ADAM23: variants seen among roughly 807,000 people sequenced by gnomAD.
ADAM23 encodes disintegrin and metalloproteinase domain-containing protein 23.
ADAM23 carries 33 observed loss-of-function variants against 120.1 expected under a neutral mutation model. The ratio of observed to expected loss-of-function variants is 0.27; its 90% CI spans 0.21 to 0.37. ADAM23 has a LOEUF of 0.37. Among genes scored for constraint, ADAM23 ranks in the 10% least tolerant of loss-of-function variants. ADAM23 has a pLI of 1.00. For missense variants in ADAM23, 862 were observed against 1,058.2 expected (o/e 0.81, Z 2.57); for synonymous variants, 367 against 375.2 (o/e 0.98, Z 0.25).
intron 3 of ADAM23, among the ~76,000 whole-genome samples, chr2:206,498,996 A>G (rs1324568961): frequency 6.6e-6 from 1 of 152,172 alleles, no homozygotes; most frequent in Non-Finnish European, 1.5e-5. Context: ...TCAGGAAACA[A>G]CAGGTGCTGG....
At chr2:206,476,677 A>G (rs1695782293) in intron 2 of ADAM23, among the ~76,000 whole-genome samples, 1 of 152,136 alleles carries the variant, frequency 6.6e-6, no homozygotes, top group Non-Finnish European at 1.5e-5. Flanking sequence ...CCTGGTGCCA[A>G]AAAGGTTGGG....
At chr2:206,509,634 A>C (rs1261896979) in intron 3 of ADAM23, among the ~76,000 whole-genome samples, 1 of 152,064 alleles carries the variant, frequency 6.6e-6, no homozygotes, top group Non-Finnish European at 1.5e-5. Flanking sequence ...TTTTTAGTGG[A>C]GATGGGATTT....
At chr2:206,602,362 GT>G (rs1458421802) in intron 24 of ADAM23, among the ~76,000 whole-genome samples, 1 of 151,872 alleles carries the variant, frequency 6.6e-6, no homozygotes, top group Admixed American at 6.6e-5. Flanking sequence ...AAATGAACTT[GT>G]TTTTTTCTTT....
At chr2:206,510,173 A>G (rs1466368592) in intron 3 of ADAM23, among the ~76,000 whole-genome samples, 1 of 152,144 alleles carries the variant, frequency 6.6e-6, no homozygotes, top group Non-Finnish European at 1.5e-5. Context: ...ACGTGGAGGA[A>G]CTCATGGTCT....
Position 206,605,369 on chromosome 2 carries a change from A to G in ADAM23, c.2360-4541A>G, listed in dbSNP as rs561204626. Among the ~76,000 whole-genome samples, 20 of 152,332 alleles carry G rather than the reference A, an allele frequency of 1.3e-4. No homozygotes were observed. In the South Asian group the frequency reaches 3.1e-3, roughly 24 times the overall value. ...TTGCAAAACTGAATGATATATTCTG[A>G]ATTTTGAAAAGATGTAGCTTCTTAG... is the stretch of plus-strand genomic sequence containing the variant. On this transcript the variant is annotated intron_variant, in intron 24 of 25. Coordinates refer to ENST00000264377, the MANE Select transcript of ADAM23 (RefSeq NM_003812.4).
chr2:206,553,342 A>G (rs1407801882), intron 9 of ADAM23, among the ~76,000 whole-genome samples: 1 of 152,202 alleles, frequency 6.6e-6, no homozygotes, highest in East Asian at 1.9e-4. Context: ...AGGCTGAGAC[A>G]GGAGAATTGA....
chr2:206,463,136 A>AT (rs1695460212), intron 2 of ADAM23, among the ~76,000 whole-genome samples: 1 of 152,206 alleles, frequency 6.6e-6, no homozygotes, highest in Non-Finnish European at 1.5e-5. Flanking sequence ...AGATGTCCAC[A>AT]TCCTAATCTC....
intron 2 of ADAM23, among the ~76,000 whole-genome samples, chr2:206,447,777 C>T (rs1695112675): frequency 6.6e-6 from 1 of 152,114 alleles, no homozygotes; most frequent in Admixed American, 6.5e-5. Context: ...CTCCTGATTT[C>T]ATTGCACTGA....
rs746777153 is a variant in ADAM23 at position 206,589,487 on chromosome 2, G to A, written c.1931G>A (p.Gly644Glu). The A allele has an allele frequency of 1.9e-6, 3 of 1,613,702 alleles. No individual in the cohort carries two copies. In the African/African-American group the frequency reaches 4.0e-5, roughly 22 times the overall value. ...GAGAAGGGAAACTGCGGGAAGGATGGAGACCGGTGGATTCAGTGCAGCAAA... is the reference window on the plus strand; with the variant it reads ...GAGAAGGGAAACTGCGGGAAGGATGAAGACCGGTGGATTCAGTGCAGCAAA... ...GTEKGNCGKD[G>E]DRWIQCSKHD... Residue 644 changes from glycine (G) to glutamate (E), a missense_variant, in exon 21 of 26, where the codon GGA (glycine) becomes GAA (glutamate). Coordinates refer to ENST00000264377, the MANE Select transcript of ADAM23 (RefSeq NM_003812.4).
chr2:206,613,837 A>G (rs1196071611), intron 25 of ADAM23, among the ~76,000 whole-genome samples: 2 of 152,278 alleles, frequency 1.3e-5, no homozygotes, highest in South Asian at 2.1e-4. Flanking sequence ...AGGCGTTGCT[A>G]TTTATCTGAT....
Position 206,620,148 on chromosome 2 carries a change from G to T in ADAM23, c.*2521G>T, listed in dbSNP as rs1423573286. 1 of 152,072 alleles carries T rather than the reference G, an allele frequency of 6.6e-6. No homozygotes were observed. Among genetic ancestry groups the T allele is most frequent in the African/African-American group, 2.4e-5 (1 of 41,396 alleles). The allele number at this position is 152,072 out of a possible 1,614,324, so 9.4% of individuals were successfully genotyped here. A position where few individuals can be genotyped will look rare whatever the true frequency, so the allele number is the denominator to read the frequency against. On this transcript the variant is annotated 3_prime_UTR_variant, in exon 26 of 26. Transcript: ENST00000264377. Reference sequence around the variant, plus strand: ...GACATAACAGAAACAAAATCATGTTGGTTACAAAACAAATTAAATCTCTAT... The same window carrying T: ...GACATAACAGAAACAAAATCATGTTTGTTACAAAACAAATTAAATCTCTAT...
rs192796389 is a variant in ADAM23, at chr2:206,581,978, A to G, written c.1738-5347A>G. Among the ~76,000 whole-genome samples, 21 of 152,156 alleles carry G rather than the reference A, an allele frequency of 1.4e-4. No individual in the cohort carries two copies. The East Asian group carries it at 4.1e-3, about 29-fold the overall frequency. ...CTGCAACCTCTGCCTCCCAGGTTCAAGTGATTCTCCTGCCTCAGCCTCCCA... is the reference window on the plus strand; with the variant it reads ...CTGCAACCTCTGCCTCCCAGGTTCAGGTGATTCTCCTGCCTCAGCCTCCCA... On this transcript the variant is annotated intron_variant, in intron 18 of 25. Coordinates refer to ENST00000264377, the MANE Select transcript of ADAM23 (RefSeq NM_003812.4).
chr2:206,518,579 G>C (rs1005250907), intron 3 of ADAM23, among the ~76,000 whole-genome samples: 2 of 152,112 alleles, frequency 1.3e-5, no homozygotes, highest in African/African-American at 4.8e-5. Flanking sequence ...TGTGTTGTCT[G>C]ATTTTCAGCA....
At chr2:206,445,266 T>A in intron 1 of ADAM23, 41 bp from the exon 2 acceptor site, 1 of 1,413,060 alleles carries the variant, frequency 7.1e-7, no homozygotes, top group Non-Finnish European at 1.0e-6. Context: ...TGTTTGTGTA[T>A]GTTTGTATTT....
chr2:206,577,254 CT>C (rs1398033029), intron 18 of ADAM23, among the ~76,000 whole-genome samples: 383 of 144,202 alleles, frequency 2.7e-3, no homozygotes, highest in East Asian at 7.9e-3. Context: ...GGCATTTTTT[CT>C]TTTTTTTTTT....
At chr2:206,519,338 A>G (rs991033895) in intron 3 of ADAM23, among the ~76,000 whole-genome samples, 1 of 152,170 alleles carries the variant, frequency 6.6e-6, no homozygotes, top group African/African-American at 2.4e-5. Flanking sequence ...TTAGCTTGTT[A>G]TTATTTTAAA....
At chr2:206,477,147 A>G (rs1695791106) in intron 2 of ADAM23, among the ~76,000 whole-genome samples, 3 of 152,322 alleles carry the variant, frequency 2.0e-5, no homozygotes, top group Admixed American at 6.5e-5. Context: ...GCTTAATGTC[A>G]TAACATTGCT....
intron 20 of ADAM23, 25 bp downstream of exon 20, chr2:206,588,179 G>T: frequency 6.2e-7 from 1 of 1,611,480 alleles, no homozygotes; most frequent in South Asian, 1.1e-5. Flanking sequence ...CTTGCTTGGC[G>T]GTTACACATA....
intron 3 of ADAM23, among the ~76,000 whole-genome samples, chr2:206,486,773 C>A (rs1222240917): frequency 6.6e-6 from 1 of 152,078 alleles, no homozygotes; most frequent in Non-Finnish European, 1.5e-5. Flanking sequence ...CTAAAGTTTA[C>A]CATTCAGTGT....
Sources: gnomAD v4.1 joint callset for allele counts (sites outside exome capture counted in the v4.1 genomes callset) on GRCh38, gnomAD v4.1.1 for gene constraint, MANE v1.5 for transcripts, NCBI Gene and HGNC (gene_info 2026-07-23, HGNC 2026-07-21) for gene names.